Variants in PDSS2 observed in about 807,000 individuals in gnomAD.
PDSS2 encodes the protein decaprenyl diphosphate synthase subunit 2, also known as all trans-polyprenyl-diphosphate synthase PDSS2.
PDSS2 carries 31 observed loss-of-function variants against 44.5 expected under a neutral mutation model. The ratio of observed to expected loss-of-function variants is 0.70; its 90% confidence interval spans 0.52 to 0.94. PDSS2 has a LOEUF of 0.94. Among genes scored for constraint, PDSS2 ranks in the 40% least tolerant of loss-of-function variants. PDSS2 has a pLI of 0.00. For synonymous variants in PDSS2, 157 were observed against 180.3 expected, an observed-to-expected ratio of 0.87 and a Z score of 1.03; for missense variants, 452 against 482.2, an observed-to-expected ratio of 0.94 and a Z score of 0.59.
rs55860139 is a variant in PDSS2, at chr6:107,267,588, C to CTTTTTT, written c.630+6435_630+6440dup. Among the ~76,000 whole-genome samples, 441 of 132,314 alleles carry CTTTTTT rather than the reference C, an allele frequency of 3.3e-3. 4 individuals are homozygous for CTTTTTT. The highest frequency in any genetic ancestry group is 0.012 in the African/African-American group (425 of 36,138). 86.8% of individuals were successfully genotyped at this position (132,314 alleles called of 152,430 possible). A position where few individuals can be genotyped will look rare whatever the true frequency, so the allele number is the denominator to read the frequency against. On this transcript the variant is annotated intron_variant, in intron 3 of 7. Coordinates refer to ENST00000369037, the MANE Select transcript of PDSS2 (RefSeq NM_020381.4). ...TGGAGAGAGACATCAGATTCTCTTT[C>CTTTTTT]TTTTTTTTTTTTTTTTTTGAGACAG...
intron 6 of PDSS2, 39 bp from the exon 7 acceptor site, chr6:107,193,893 TA>T: frequency 7.2e-7 from 1 of 1,382,854 alleles, no homozygotes; most frequent in Non-Finnish European, 1.0e-6. Flanking sequence ...GTTACTTCTC[TA>T]AAAGTTTAGT....
intron 1 of PDSS2, among the ~76,000 whole-genome samples, chr6:107,458,134 C>T (rs1303385657): frequency 1.3e-5 from 2 of 151,600 alleles, no homozygotes; most frequent in Non-Finnish European, 2.9e-5. Flanking sequence ...ATTTTTGTAA[C>T]TTCGCTGTAT....
At chr6:107,277,828 C>T (rs112352099) in intron 2 of PDSS2, among the ~76,000 whole-genome samples, 11,994 of 151,930 alleles carry the variant, frequency 0.079, 941 homozygotes, top group East Asian at 0.25. Flanking sequence ...TGGCGGGTGC[C>T]TGACTAATTT....
chr6:107,318,351 C>A (rs1185007181), intron 2 of PDSS2, among the ~76,000 whole-genome samples: 1 of 151,998 alleles, frequency 6.6e-6, no homozygotes, highest in Non-Finnish European at 1.5e-5. Flanking sequence ...TGCTAGGCAC[C>A]CATCCTCCCA....
chr6:107,356,534 A>G lies in PDSS2; in HGVS notation c.297-22202T>C, dbSNP rs376317619. On this transcript the variant is annotated intron_variant, in intron 1 of 7. Transcript: ENST00000369037. ...AAACCTGTTAATATACTGTCTCCTA[A>G]AAAGAATAAAAATGAATGTCATAGA... is the stretch of plus-strand genomic sequence containing the variant. Among the ~76,000 whole-genome samples, 57 of 152,320 alleles carry G rather than the reference A, an allele frequency of 3.7e-4. No homozygotes were observed. The South Asian group carries it at 0.012, about 32-fold the overall frequency.
intron 2 of PDSS2, among the ~76,000 whole-genome samples, chr6:107,299,291 T>C (rs367767492): frequency 6.6e-6 from 1 of 151,950 alleles, no homozygotes. Flanking sequence ...ATGAGCATTA[T>C]CTCATTCAAA....
At chr6:107,246,610 C>G (rs945420498) in intron 3 of PDSS2, among the ~76,000 whole-genome samples, 2 of 152,114 alleles carry the variant, frequency 1.3e-5, no homozygotes, top group Non-Finnish European at 2.9e-5. Context: ...AATACAGACC[C>G]AAACAACAAG....
intron 1 of PDSS2, among the ~76,000 whole-genome samples, chr6:107,444,989 A>T (rs1331002222): frequency 6.6e-6 from 1 of 152,210 alleles, no homozygotes; most frequent in Non-Finnish European, 1.5e-5. Context: ...ATCTGTCAAG[A>T]GTAATCAATG....
chr6:107,255,540 G>C (rs553981509), intron 3 of PDSS2, among the ~76,000 whole-genome samples: 1 of 151,216 alleles, frequency 6.6e-6, no homozygotes, highest in Non-Finnish European at 1.5e-5. Flanking sequence ...CGGAGGTTGC[G>C]GTGAGCCGAG....
intron 4 of PDSS2, among the ~76,000 whole-genome samples, chr6:107,231,303 G>A (rs1340072029): frequency 1.3e-5 from 2 of 152,184 alleles, no homozygotes; most frequent in Admixed American, 1.3e-4. Flanking sequence ...GCAAAGAACA[G>A]GTTAAAAGAT....
At chr6:107,161,377 G>A in intron 7 of PDSS2, among the ~76,000 whole-genome samples, 1 of 151,936 alleles carries the variant, frequency 6.6e-6, no homozygotes. Flanking sequence ...CTACTGTGGA[G>A]GCTGAGGCAG....
chr6:107,273,905 A>C, intron 3 of PDSS2, 124 bp downstream of exon 3: 1 of 757,652 alleles, frequency 1.3e-6, no homozygotes, highest in Non-Finnish European at 2.4e-6. Flanking sequence ...TCACAGTTTT[A>C]CTGTTTACTG....
intron 2 of PDSS2, among the ~76,000 whole-genome samples, chr6:107,290,732 C>G (rs1198037884): frequency 1.3e-5 from 2 of 152,162 alleles, no homozygotes; most frequent in Non-Finnish European, 2.9e-5. Context: ...AAAAGTGCAC[C>G]TCTCTCTACA....
intron 2 of PDSS2, among the ~76,000 whole-genome samples, chr6:107,297,667 C>T (rs1395303672): frequency 1.3e-5 from 2 of 151,416 alleles, no homozygotes; most frequent in Non-Finnish European, 2.9e-5. Context: ...GGCATGAGCC[C>T]CTGTGCCTGG....
chr6:107,157,892 C>T (rs1356850267), intron 7 of PDSS2, among the ~76,000 whole-genome samples: 3 of 151,886 alleles, frequency 2.0e-5, no homozygotes, highest in Non-Finnish European at 4.4e-5. Context: ...AGGCTGGTCT[C>T]GAACTCCTGA....
At chr6:107,351,979 G>GA (rs1328707558) in intron 1 of PDSS2, among the ~76,000 whole-genome samples, 6 of 152,086 alleles carry the variant, frequency 3.9e-5, no homozygotes, top group African/African-American at 1.4e-4. Flanking sequence ...TTTTGATAAA[G>GA]AAACTTCATG....
intron 1 of PDSS2, among the ~76,000 whole-genome samples, chr6:107,378,132 C>T (rs1399858230): frequency 1.3e-5 from 2 of 150,344 alleles, no homozygotes; most frequent in African/African-American, 4.9e-5. Context: ...AAGGAAGCTT[C>T]CTCAACCTAA....
In PDSS2 at chr6:107,404,699, C is replaced by T. The variant is rs1780251884; in HGVS notation, c.296+54291G>A. Among the ~76,000 whole-genome samples, 4 of 152,208 alleles carry T rather than the reference C, an allele frequency of 2.6e-5. No individual in the cohort carries two copies. In the South Asian group the frequency reaches 8.3e-4, roughly 32 times the overall value. On this transcript the variant is annotated intron_variant, in intron 1 of 7. Transcript: ENST00000369037. ...TGAGAACAGCATGGAGGTAACCGCC[C>T]CCATGATTCAATTACCTTCCCACTG...
At chr6:107,333,969 G>A (rs947282861) in intron 2 of PDSS2, among the ~76,000 whole-genome samples, 3 of 152,172 alleles carry the variant, frequency 2.0e-5, no homozygotes, top group Non-Finnish European at 4.4e-5. Context: ...AATGCCCAAA[G>A]TAGAAAGGAA....
Sources: allele counts gnomAD v4.1 joint callset (sites outside exome capture counted in the v4.1 genomes callset), GRCh38; gene constraint gnomAD v4.1.1; transcripts MANE v1.5; gene names NCBI Gene and HGNC (gene_info 2026-07-23, HGNC 2026-07-21).